Variants in GIPC1 observed in about 807,000 individuals in gnomAD.
GIPC1 encodes GIPC PDZ domain containing family member 1.
A neutral mutation model predicts 28.5 loss-of-function variants in GIPC1; 15 were observed. The ratio of observed to expected loss-of-function variants is 0.53; its 90% CI spans 0.35 to 0.81. GIPC1 has a LOEUF of 0.81. Ranked by LOEUF, GIPC1 falls within the 30% of genes least tolerant of loss-of-function variation. The pLI is 0.01. For missense variants in GIPC1, 439 were observed against 481.9 expected (o/e 0.91, Z 0.83); for synonymous variants, 224 against 206.1 (o/e 1.09, Z -0.74).
intron 3 of GIPC1, among the ~76,000 whole-genome samples, chr19:14,484,129 C>CTTT (rs56178535): frequency 1.9e-4 from 21 of 108,520 alleles, no homozygotes; most frequent in South Asian, 3.0e-4. Flanking sequence ...GACCCTGACT[C>CTTT]TTTTTTTTTT....
intron 1 of GIPC1, among the ~76,000 whole-genome samples, chr19:14,493,223 T>C (rs1254548275): frequency 2.0e-5 from 3 of 152,206 alleles, no homozygotes; most frequent in Admixed American, 6.5e-5. Flanking sequence ...AACTCTTGTC[T>C]TCCAGCTTCA....
intron 1 of GIPC1, among the ~76,000 whole-genome samples, chr19:14,494,303 G>A (rs2072033310): frequency 2.0e-5 from 3 of 151,860 alleles, no homozygotes; most frequent in African/African-American, 7.3e-5. Context: ...TGTTGGCCAG[G>A]CTGGTCTCAA....
At chr19:14,482,578 A>G (rs2071752518) in intron 4 of GIPC1, 111 bp downstream of exon 4, 3 of 1,095,762 alleles carry the variant, frequency 2.7e-6, no homozygotes, top group Middle Eastern at 2.9e-4. Flanking sequence ...AGTGGGGCCC[A>G]GGCTCAGCAT....
At chr19:14,480,907 A>G (rs2071715728) in intron 4 of GIPC1, 129 bp from the exon 5 acceptor site, 3 of 676,806 alleles carry the variant, frequency 4.4e-6, no homozygotes, top group African/African-American at 1.8e-5. Flanking sequence ...TCACCCACTG[A>G]GCCTGAGCCA....
At chr19:14,493,120 T>C (rs8109493) in intron 1 of GIPC1, among the ~76,000 whole-genome samples, 27,390 of 152,120 alleles carry the variant, frequency 0.18, 2,602 homozygotes, top group South Asian at 0.24. Flanking sequence ...CACTCCTCCA[T>C]GAAGCCTCCC....
chr19:14,481,942 G>A (rs4461186), intron 4 of GIPC1: 14,776 of 152,300 alleles, frequency 0.097, 963 homozygotes, highest in African/African-American at 0.17. Flanking sequence ...CTCCCACAGC[G>A]TTGAGTTTCT....
Position 14,480,389 on chromosome 19 carries a change from G to A in GIPC1, c.571C>T (p.His191Tyr). 1.2e-6 allele frequency: 2 copies of A among 1,612,960 alleles called. No individual in the cohort carries two copies. Among genetic ancestry groups the A allele is most frequent in the Non-Finnish European group, 1.7e-6 (2 of 1,179,688 alleles). ...INGQSLLGCR[H>Y]YEVARLLKEL... ...TTGAGCAGCCGGGCCACCTCGTAGT[G>A]CCGGCAGCCCAGCAGGCTCTGCCCG... Residue 191 changes from histidine to tyrosine, a missense_variant, in exon 6 of 9, where the codon CAC (histidine) becomes TAC (tyrosine). Transcript: ENST00000393033.
At chr19:14,480,001 G>C (rs1019901153) in intron 6 of GIPC1, 7 of 543,826 alleles carry the variant, frequency 1.3e-5, no homozygotes, top group Middle Eastern at 4.9e-4. Flanking sequence ...GGCTGGCACT[G>C]AGCAGTCAAG....
chr19:14,486,712 CTTT>C (rs35491814), intron 3 of GIPC1, among the ~76,000 whole-genome samples: 8 of 124,740 alleles, frequency 6.4e-5, no homozygotes, highest in Admixed American at 9.1e-5. Flanking sequence ...TTCTTTCTTT[CTTT>C]TTTTTTTTTT....
At chr19:14,489,419 A>C (rs1333580825) in intron 3 of GIPC1, 1 of 823,858 alleles carries the variant, frequency 1.2e-6, no homozygotes, top group South Asian at 1.3e-5. Context: ...GAGTTGAAAA[A>C]ATTTACGGAC....
Position 14,480,658 on chromosome 19 carries a change from A to ACACCTC in GIPC1, c.403_408dup (p.Glu135_Val136dup). The ACACCTC allele has an allele frequency of 6.2e-7, 1 of 1,613,962 alleles. No homozygotes were observed. Among genetic ancestry groups the ACACCTC allele is most frequent in the Non-Finnish European group, 8.5e-7 (1 of 1,179,976 alleles). On this transcript the variant is annotated inframe_insertion, in exon 5 of 9. Transcript: ENST00000393033. ...AGCCCGAGTGCATCCTCCGACTTGA[A>ACACCTC]CACCTCCACCTCCTTGCGCTGCCCC...
chr19:14,486,711 TC>T (rs1446151145), intron 3 of GIPC1, among the ~76,000 whole-genome samples: 6 of 123,002 alleles, frequency 4.9e-5, no homozygotes, highest in South Asian at 4.8e-4. Flanking sequence ...TTTCTTTCTT[TC>T]TTTTTTTTTT....
At chr19:14,488,581 G>T (rs1231666775) in intron 3 of GIPC1, among the ~76,000 whole-genome samples, 1 of 151,970 alleles carries the variant, frequency 6.6e-6, no homozygotes, top group African/African-American at 2.4e-5. Context: ...GTGAAACCCC[G>T]TCTCTACTAA....
Position 14,478,863 on chromosome 19 carries a change from T to G in GIPC1, c.769-98A>C, listed in dbSNP as rs548838786. The G allele has an allele frequency of 1.1e-6, 1 of 931,230 alleles. No homozygotes were observed. Among genetic ancestry groups the G allele is most frequent in the African/African-American group, 1.6e-5 (1 of 61,940 alleles). The allele number at this position is 931,230 out of a possible 1,614,324, so 57.7% of individuals were successfully genotyped here. ...TGTCACCACTTTACATATATTCGTA[T>G]TTAGACCTCAGGACAACCCTGAGAA... On this transcript the variant is annotated intron_variant, in intron 7 of 8. Coordinates refer to ENST00000393033, the MANE Select transcript of GIPC1 (RefSeq NM_005716.4). This position sits in a 1 kb window ranked among gnomAD's most constrained non-coding sequence, Gnocchi z 5.2.
intron 3 of GIPC1, among the ~76,000 whole-genome samples, chr19:14,486,216 A>G (rs188434759): frequency 2.0e-3 from 306 of 152,158 alleles, no homozygotes; most frequent in African/African-American, 7.1e-3. Flanking sequence ...ACTGTAACAC[A>G]GGGATCACGT....
chr19:14,494,510 C>T (rs2146498261), intron 1 of GIPC1, among the ~76,000 whole-genome samples: 1 of 152,316 alleles, frequency 6.6e-6, no homozygotes, highest in South Asian at 2.1e-4. Context: ...TCTTTATTTA[C>T]TTGCTAACTT....
intron 3 of GIPC1, among the ~76,000 whole-genome samples, chr19:14,489,231 T>C (rs925086676): frequency 1.3e-5 from 2 of 152,120 alleles, no homozygotes; most frequent in African/African-American, 4.8e-5. Flanking sequence ...CCTGCTATGG[T>C]TTGGATAAGG....
intron 3 of GIPC1, chr19:14,483,267 C>A: frequency 2.8e-6 from 1 of 361,532 alleles, no homozygotes; most frequent in East Asian, 5.3e-5. Context: ...ACCAGCTTGG[C>A]CAACATGGTG....
At chr19:14,483,983 G>A (rs577941481) in intron 3 of GIPC1, among the ~76,000 whole-genome samples, 25 of 151,954 alleles carry the variant, frequency 1.6e-4, no homozygotes, top group Non-Finnish European at 2.8e-4. Context: ...ATAGGCACAT[G>A]CCATGAAGCT....
Sources: allele counts gnomAD v4.1 joint callset (sites outside exome capture counted in the v4.1 genomes callset), GRCh38; gene constraint gnomAD v4.1.1; non-coding constraint Gnocchi (gnomAD v3.1); transcripts MANE v1.5; gene names NCBI Gene and HGNC (gene_info 2026-07-23, HGNC 2026-07-21).